The following ENTREP2 variants were observed in gnomAD, a reference collection of about 807,000 sequenced individuals.
ENTREP2 encodes protein ENTREP2.
At chr15:29,590,538 G>A in the ENTREP2 span, among the ~76,000 whole-genome samples, 1 of 151,840 alleles carries the variant, frequency 6.6e-6, no homozygotes, top group African/African-American at 2.4e-5. Flanking sequence ...CAAAAAATTA[G>A]CCAGGCGTGG....
the ENTREP2 span, among the ~76,000 whole-genome samples, chr15:29,543,294 C>T: frequency 1.3e-5 from 2 of 152,228 alleles, no homozygotes; most frequent in Non-Finnish European, 2.9e-5. Flanking sequence ...CCCAGGACCA[C>T]ACAAAACTCA....
At chr15:29,268,798 G>C in the ENTREP2 span, 1 of 1,605,724 alleles carries the variant, frequency 6.2e-7, no homozygotes, top group Non-Finnish European at 8.5e-7. Context: ...CTTTCAAGAG[G>C]ATGGAGCTGG....
chr15:29,156,992 G>A, the ENTREP2 span, among the ~76,000 whole-genome samples: 1 of 152,214 alleles, frequency 6.6e-6, no homozygotes, highest in Non-Finnish European at 1.5e-5. Flanking sequence ...AGCTACTCAG[G>A]AGGCTGAGGC....
the ENTREP2 span, among the ~76,000 whole-genome samples, chr15:29,453,546 G>C: frequency 6.6e-6 from 1 of 152,238 alleles, no homozygotes; most frequent in Admixed American, 6.5e-5. Context: ...ACCGGCCAGA[G>C]TGCCCTGGGC....
At chr15:29,258,838 A>T in the ENTREP2 span, among the ~76,000 whole-genome samples, 1 of 151,920 alleles carries the variant, frequency 6.6e-6, no homozygotes, top group Non-Finnish European at 1.5e-5. Flanking sequence ...ATCATACAGT[A>T]CTCTTCCTTT....
chr15:29,522,103 A>G, the ENTREP2 span, among the ~76,000 whole-genome samples: 1 of 152,244 alleles, frequency 6.6e-6, no homozygotes, highest in African/African-American at 2.4e-5. Flanking sequence ...ACCTCAATCC[A>G]TATCTCATAC....
chr15:29,220,169 C>CTGGGCTGGCTCAGGGGTCTGCG, the ENTREP2 span, among the ~76,000 whole-genome samples: 1 of 152,126 alleles, frequency 6.6e-6, no homozygotes, highest in Non-Finnish European at 1.5e-5. Context: ...GGGAGACCCG[C>CTGGGCTGGCTCAGGGGTCTGCG]TGGGCTGGCT....
chr15:29,525,947 C>G, the ENTREP2 span, among the ~76,000 whole-genome samples: 1 of 152,122 alleles, frequency 6.6e-6, no homozygotes, highest in African/African-American at 2.4e-5. Context: ...TTAGTAACTA[C>G]GAAAGTAATT....
the ENTREP2 span, among the ~76,000 whole-genome samples, chr15:29,228,196 G>A: frequency 6.6e-6 from 1 of 152,138 alleles, no homozygotes; most frequent in Admixed American, 6.6e-5. Context: ...GCGGGCGCCT[G>A]TAATCCCAGC....
the ENTREP2 span, among the ~76,000 whole-genome samples, chr15:29,426,861 C>T: frequency 1.3e-5 from 2 of 152,250 alleles, no homozygotes; most frequent in East Asian, 1.9e-4. Context: ...CACTGGGCGC[C>T]GAGTGGTCAG....
the ENTREP2 span, among the ~76,000 whole-genome samples, chr15:29,331,552 T>C: frequency 6.6e-6 from 1 of 152,186 alleles, no homozygotes; most frequent in Non-Finnish European, 1.5e-5. Flanking sequence ...CATCTATCTA[T>C]GTGCAACTGA....
At chr15:29,313,525 A>G in the ENTREP2 span, among the ~76,000 whole-genome samples, 1 of 152,096 alleles carries the variant, frequency 6.6e-6, no homozygotes, top group African/African-American at 2.4e-5. Flanking sequence ...CTAGCCCAAC[A>G]AAGCCTGGAT....
chr15:29,367,800 T>C, the ENTREP2 span, among the ~76,000 whole-genome samples: 74 of 152,250 alleles, frequency 4.9e-4, no homozygotes, highest in African/African-American at 1.7e-3. Context: ...TAAACTAACT[T>C]GGTAGACAAT....
At chr15:29,119,918 C>T in the ENTREP2 span, among the ~76,000 whole-genome samples, 1 of 152,158 alleles carries the variant, frequency 6.6e-6, no homozygotes, top group Non-Finnish European at 1.5e-5. Flanking sequence ...AGGCAGGACT[C>T]CCACCAAATC....
chr15:29,199,524 A>C, the ENTREP2 span, among the ~76,000 whole-genome samples: 1 of 152,220 alleles, frequency 6.6e-6, no homozygotes, highest in Admixed American at 6.5e-5. Flanking sequence ...GTAGGACTGT[A>C]TTCAGAGGAG....
the ENTREP2 span, among the ~76,000 whole-genome samples, chr15:29,656,771 G>C: frequency 3.3e-5 from 5 of 152,170 alleles, no homozygotes; most frequent in Admixed American, 1.3e-4. Context: ...AAATGGTAAA[G>C]CCACTCTGAA....
chr15:29,360,128 T>C, the ENTREP2 span, among the ~76,000 whole-genome samples: 1 of 152,226 alleles, frequency 6.6e-6, no homozygotes, highest in East Asian at 1.9e-4. Context: ...TTTATTTGTA[T>C]GCTTGGTAAT....
At chr15:29,416,466 C>A in the ENTREP2 span, among the ~76,000 whole-genome samples, 5 of 152,280 alleles carry the variant, frequency 3.3e-5, no homozygotes, top group African/African-American at 9.6e-5. Context: ...GAAACTGGAT[C>A]TCTTCCTTAC....
the ENTREP2 span, among the ~76,000 whole-genome samples, chr15:29,579,073 T>C: frequency 6.6e-6 from 1 of 152,192 alleles, no homozygotes; most frequent in Admixed American, 6.6e-5. Context: ...AGGGAAAAAC[T>C]ATGAAAATTA....
Sources: gnomAD v4.1 joint callset for allele counts (sites outside exome capture counted in the v4.1 genomes callset) on GRCh38, gnomAD v4.1.1 for gene constraint, MANE v1.5 for transcripts, NCBI Gene and HGNC (gene_info 2026-07-23, HGNC 2026-07-21) for gene names.